AGO3: variants seen among roughly 807,000 people sequenced by gnomAD.
The protein encoded by AGO3 is protein argonaute-3.
A neutral mutation model predicts 105.5 loss-of-function variants in AGO3; 16 were observed. The observed-to-expected ratio is 0.15, with a 90% CI of 0.10 to 0.23. The LOEUF (loss-of-function observed/expected upper bound fraction) is 0.23. Ranked by LOEUF, AGO3 falls within the 10% of genes least tolerant of loss-of-function variation. AGO3 has a pLI of 1.00. For synonymous variants in AGO3, 340 were observed against 367.3 expected (o/e 0.93, Z 0.85); for missense variants, 534 against 1,088.0 (o/e 0.49, Z 7.16).
At chr1:36,039,271 G>A (rs925507586) in intron 14 of AGO3, among the ~76,000 whole-genome samples, 1 of 151,952 alleles carries the variant, frequency 6.6e-6, no homozygotes, top group African/African-American at 2.4e-5. Context: ...CAACGCAGAC[G>A]GATCACGAGG....
intron 9 of AGO3, 63 bp from the exon 10 acceptor site, chr1:36,013,567 A>G: frequency 6.3e-7 from 1 of 1,597,884 alleles, no homozygotes; most frequent in South Asian, 1.1e-5. Flanking sequence ...GAGGGTTCTA[A>G]TGCATTAAAG....
intron 2 of AGO3, 127 bp from the exon 3 acceptor site, chr1:35,966,828 T>C: frequency 8.8e-7 from 1 of 1,136,282 alleles, no homozygotes; most frequent in Non-Finnish European, 1.2e-6. Flanking sequence ...AAAAGCAAAA[T>C]CTTTATCATA....
At chr1:36,005,491 G>A (rs1569737504) in intron 6 of AGO3, among the ~76,000 whole-genome samples, 2 of 152,310 alleles carry the variant, frequency 1.3e-5, no homozygotes, top group Admixed American at 6.5e-5. Context: ...GTAAGAAACT[G>A]TTTATGTAAC....
chr1:36,071,414 G>A lies in AGO3; in HGVS notation c.*15669G>A, dbSNP rs1557724597. 1 of 152,102 alleles carries A rather than the reference G, an allele frequency of 6.6e-6. No homozygotes were observed. The highest frequency in any genetic ancestry group is 1.5e-5 in the Non-Finnish European group (1 of 68,010). 9.4% of individuals were successfully genotyped at this position (152,102 alleles called of 1,614,324 possible). On this transcript the variant is annotated 3_prime_UTR_variant, in exon 19 of 19. Coordinates refer to ENST00000373191, the MANE Select transcript of AGO3 (RefSeq NM_024852.4). ...GTGTGCCTATTTGTATTGCAGATGT[G>A]AACTACTATTTTTGGAGGTTGATAT... is the stretch of plus-strand genomic sequence containing the variant.
chr1:35,984,773 G>A (rs754310611), intron 5 of AGO3, among the ~76,000 whole-genome samples: 38 of 152,290 alleles, frequency 2.5e-4, no homozygotes, highest in Non-Finnish European at 3.7e-4. Flanking sequence ...AGGAGGAGGA[G>A]CATCCAAATG....
At chr1:36,009,670 T>A in intron 9 of AGO3, 76 bp downstream of exon 9, 1 of 1,435,384 alleles carries the variant, frequency 7.0e-7, no homozygotes, top group Admixed American at 2.2e-5. Context: ...CATGTCCTTA[T>A]CAACCCATAC....
At chr1:35,933,242 G>A (rs941003163) in intron 1 of AGO3, among the ~76,000 whole-genome samples, 3 of 152,134 alleles carry the variant, frequency 2.0e-5, no homozygotes, top group Non-Finnish European at 2.9e-5. Context: ...GCTATACTTT[G>A]GCTCAAGATT....
rs147699389 is a variant in AGO3 at position 36,039,879 on chromosome 1, C to A, written c.1932C>A (p.Ala644=). The change falls in exon 15 of 19, where the codon GCC becomes GCA. Residue 644 remains alanine, a synonymous_variant. Coordinates refer to ENST00000373191, the MANE Select transcript of AGO3 (RefSeq NM_024852.4). ...RPRQEIIQDL[A]SMVRELLIQF... is the part of the protein sequence containing the mutation. ...GACAGGAGATCATCCAGGACTTGGC[C>A]TCCATGGTCCGGGAACTTCTTATTC... 1.9e-6 allele frequency: 3 copies of A among 1,613,808 alleles called. No homozygotes were observed. The African/African-American group carries it at 4.0e-5, about 22-fold the overall frequency.
At chr1:36,017,377 A>G (rs190981995) in intron 11 of AGO3, among the ~76,000 whole-genome samples, 4 of 152,292 alleles carry the variant, frequency 2.6e-5, no homozygotes, top group East Asian at 1.9e-4. Context: ...TTAATATCCA[A>G]TGTATTCCTC....
intron 11 of AGO3, among the ~76,000 whole-genome samples, chr1:36,019,218 C>A (rs1371065100): frequency 6.6e-6 from 1 of 152,092 alleles, no homozygotes; most frequent in Non-Finnish European, 1.5e-5. Flanking sequence ...TACAGCCTTG[C>A]AGCATTTAGT....
chr1:35,952,172 A>G (rs1571422989), intron 2 of AGO3, among the ~76,000 whole-genome samples: 1 of 106,930 alleles, frequency 9.4e-6, no homozygotes, highest in Non-Finnish European at 1.7e-5. Context: ...TTTTTGACAG[A>G]GTCTCGCTCT....
At chr1:35,956,859 G>A (rs779512996) in intron 2 of AGO3, among the ~76,000 whole-genome samples, 7 of 151,302 alleles carry the variant, frequency 4.6e-5, no homozygotes, top group Admixed American at 1.3e-4. Context: ...TGATGCCCAC[G>A]CTGGTCTCAA....
chr1:36,029,248 G>A (rs376861879), intron 12 of AGO3, among the ~76,000 whole-genome samples: 25 of 152,090 alleles, frequency 1.6e-4, no homozygotes, highest in East Asian at 9.7e-4. Flanking sequence ...TCATTGAATC[G>A]TAGAAAAATA....
In AGO3 at chr1:35,972,194, T is replaced by C. The variant is rs1397039682; in HGVS notation, c.483T>C (p.His161=). The C allele has an allele frequency of 6.2e-7, 1 of 1,614,092 alleles. No homozygotes were observed. Residue 161 remains histidine (H), a synonymous_variant, in exon 4 of 19, where the codon CAT becomes CAC. Coordinates refer to ENST00000373191, the MANE Select transcript of AGO3 (RefSeq NM_024852.4). ...AGCCAATCAGCACTAACCCTGTCCA[T>C]GCCGTTGATGTGGTGCTACGACATC... ...LDKPISTNPV[H]AVDVVLRHLP...
intron 5 of AGO3, among the ~76,000 whole-genome samples, chr1:35,990,149 G>A (rs575175657): frequency 6.4e-4 from 98 of 152,214 alleles, no homozygotes; most frequent in South Asian, 4.4e-3. Context: ...ACATAGCTCT[G>A]TACTGCATCC....
At chr1:35,948,486 C>T (rs1172031413) in intron 2 of AGO3, among the ~76,000 whole-genome samples, 1 of 147,448 alleles carries the variant, frequency 6.8e-6, no homozygotes, top group Admixed American at 6.9e-5. Flanking sequence ...CCACCGCCGG[C>T]CTCCCAAAGT....
chr1:36,005,299 A>T (rs944789019), intron 6 of AGO3, among the ~76,000 whole-genome samples: 2 of 152,212 alleles, frequency 1.3e-5, no homozygotes, highest in African/African-American at 4.8e-5. Flanking sequence ...TTCACTGAAC[A>T]TCTTTCAGTT....
chr1:36,051,373 T>C (rs1394905280), intron 17 of AGO3, among the ~76,000 whole-genome samples: 1 of 152,132 alleles, frequency 6.6e-6, no homozygotes, highest in Non-Finnish European at 1.5e-5. Context: ...CCCTGTGGGA[T>C]AGAGCAAAAA....
chr1:35,967,135 A>G (rs1286811338), intron 3 of AGO3, 60 bp downstream of exon 3: 12 of 1,538,896 alleles, frequency 7.8e-6, no homozygotes, highest in Non-Finnish European at 1.1e-5. Context: ...TTTTACACGC[A>G]TTTATTACCA....
Sources: gnomAD v4.1 joint callset for allele counts (sites outside exome capture counted in the v4.1 genomes callset) on GRCh38, gnomAD v4.1.1 for gene constraint, MANE v1.5 for transcripts, NCBI Gene and HGNC (gene_info 2026-07-23, HGNC 2026-07-21) for gene names.